Variants in HPSE2 observed in about 807,000 individuals in gnomAD.
HPSE2 encodes heparanase 2 (inactive).
A neutral mutation model predicts 60.5 loss-of-function variants in HPSE2; 38 were observed. The ratio of observed to expected loss-of-function variants is 0.63; its 90% confidence interval spans 0.48 to 0.82. The LOEUF is 0.82. Ranked by LOEUF, HPSE2 falls within the 40% of genes least tolerant of loss-of-function variation. HPSE2 has a pLI of 0.00. For synonymous variants in HPSE2, 295 were observed against 293.2 expected, an observed-to-expected ratio of 1.01 and a Z score of -0.06; for missense variants, 713 against 740.4, an observed-to-expected ratio of 0.96 and a Z score of 0.43.
chr10:98,929,019 T>TAAATA (rs1425343217), intron 3 of HPSE2, among the ~76,000 whole-genome samples: 1 of 141,892 alleles, frequency 7.0e-6, no homozygotes, highest in East Asian at 2.0e-4. Context: ...AATAAATAAA[T>TAAATA]ATTTTTTAGT....
intron 3 of HPSE2, among the ~76,000 whole-genome samples, chr10:98,871,461 T>G (rs1342696134): frequency 6.6e-6 from 1 of 152,082 alleles, no homozygotes; most frequent in Non-Finnish European, 1.5e-5. Flanking sequence ...TAGCTAAAAT[T>G]TCTTGGCTTA....
intron 3 of HPSE2, among the ~76,000 whole-genome samples, chr10:99,080,510 G>T (rs1843098242): frequency 6.6e-6 from 1 of 152,186 alleles, no homozygotes; most frequent in South Asian, 2.1e-4. Context: ...AGGTATGTGA[G>T]AAAATAATAC....
chr10:98,750,090 G>A (rs1949725172), intron 3 of HPSE2, among the ~76,000 whole-genome samples: 1 of 151,902 alleles, frequency 6.6e-6, no homozygotes, highest in South Asian at 2.1e-4. Context: ...TAGCTAGTAT[G>A]CTATTTTAAA....
intron 2 of HPSE2, among the ~76,000 whole-genome samples, chr10:99,181,663 A>G (rs1847783380): frequency 6.6e-6 from 1 of 152,148 alleles, no homozygotes; most frequent in African/African-American, 2.4e-5. Context: ...TCTCACTCAT[A>G]AGTGGGAGTT....
At chr10:99,242,195 T>C in the HPSE2 span, among the ~76,000 whole-genome samples, 3 of 152,220 alleles carry the variant, frequency 2.0e-5, no homozygotes, top group Non-Finnish European at 2.9e-5. Flanking sequence ...TTTCTCCATA[T>C]GGAATGCTGA....
chr10:98,880,613 A>T (rs1474633006), intron 3 of HPSE2, among the ~76,000 whole-genome samples: 1 of 152,018 alleles, frequency 6.6e-6, no homozygotes, highest in Non-Finnish European at 1.5e-5. Context: ...ATGACTCCAT[A>T]TGCCCTGCTT....
chr10:99,166,434 A>C (rs1847084907), intron 2 of HPSE2, among the ~76,000 whole-genome samples: 1 of 152,190 alleles, frequency 6.6e-6, no homozygotes, highest in Admixed American at 6.6e-5. Context: ...GCATTGTATA[A>C]GAGTTCCAGG....
chr10:99,234,417 A>G (rs184773815), intron 1 of HPSE2, among the ~76,000 whole-genome samples: 15 of 152,324 alleles, frequency 9.8e-5, no homozygotes, highest in Admixed American at 3.3e-4. Context: ...AGGACGCACA[A>G]CGGACCTGGC....
At chr10:98,638,484 C>T (rs1946558927) in intron 7 of HPSE2, among the ~76,000 whole-genome samples, 1 of 152,116 alleles carries the variant, frequency 6.6e-6, no homozygotes, top group African/African-American at 2.4e-5. Flanking sequence ...CCTAACTTGG[C>T]CCATCTCTGA....
rs1352246587 is a variant in HPSE2 at position 98,698,130 on chromosome 10, C to G, written c.957-4183G>C. On this transcript the variant is annotated intron_variant, in intron 5 of 11. Transcript: ENST00000370552. ...CCCAGGAATTGAACTCAGCTCTGCACCAAGCAGACCTAATAGACATCTACA... is the reference window on the plus strand; with the variant it reads ...CCCAGGAATTGAACTCAGCTCTGCAGCAAGCAGACCTAATAGACATCTACA... Among the ~76,000 whole-genome samples the G allele has an allele frequency of 5.0e-5, 7 of 138,970 alleles. No homozygotes were observed. The East Asian group carries it at 1.3e-3, about 26-fold the overall frequency. The allele number at this position is 138,970 out of a possible 152,430, so 91.2% of individuals were successfully genotyped here.
At chr10:98,581,346 A>C (rs1944792887) in intron 9 of HPSE2, among the ~76,000 whole-genome samples, 2 of 152,148 alleles carry the variant, frequency 1.3e-5, no homozygotes, top group South Asian at 4.1e-4. Flanking sequence ...GATCAAAACC[A>C]ATTTTTACCT....
intron 5 of HPSE2, among the ~76,000 whole-genome samples, chr10:98,706,777 G>C (rs1393487563): frequency 6.6e-6 from 1 of 152,134 alleles, no homozygotes; most frequent in Non-Finnish European, 1.5e-5. Context: ...TAAGGGAATG[G>C]CAGGAGGTCA....
chr10:99,299,528 T>C, the HPSE2 span, among the ~76,000 whole-genome samples: 3 of 152,178 alleles, frequency 2.0e-5, no homozygotes, highest in Non-Finnish European at 2.9e-5. Flanking sequence ...CATCCACTTG[T>C]TGTACTGTAC....
chr10:98,527,359 T>C (rs1942999688), intron 9 of HPSE2, among the ~76,000 whole-genome samples: 1 of 152,218 alleles, frequency 6.6e-6, no homozygotes, highest in Non-Finnish European at 1.5e-5. Context: ...ATCCGCACAC[T>C]CTGCATGATC....
chr10:98,716,442 A>AAACATAAAT (rs1554974932), intron 5 of HPSE2, among the ~76,000 whole-genome samples: 1 of 148,006 alleles, frequency 6.8e-6, no homozygotes, highest in East Asian at 2.0e-4. Flanking sequence ...ATAATAATAA[A>AAACATAAAT]AAATAAATAA....
intron 2 of HPSE2, among the ~76,000 whole-genome samples, chr10:99,145,530 AT>A (rs1175117202): frequency 1.3e-5 from 2 of 152,038 alleles, no homozygotes; most frequent in African/African-American, 4.8e-5. Flanking sequence ...TTATTTATTA[AT>A]TTTTTACAAA....
intron 4 of HPSE2, among the ~76,000 whole-genome samples, chr10:98,740,719 G>C: frequency 6.6e-6 from 1 of 152,138 alleles, no homozygotes; most frequent in East Asian, 1.9e-4. Context: ...ACATGGTGTA[G>C]GTATATGGAA....
intron 9 of HPSE2, among the ~76,000 whole-genome samples, chr10:98,603,841 C>T (rs1202361695): frequency 2.0e-5 from 3 of 152,096 alleles, no homozygotes; most frequent in Non-Finnish European, 2.9e-5. Context: ...ATACCCAACT[C>T]CAGTCAGCTC....
At chr10:98,955,753 A>G (rs1020963012) in intron 3 of HPSE2, among the ~76,000 whole-genome samples, 2 of 152,248 alleles carry the variant, frequency 1.3e-5, no homozygotes, top group African/African-American at 4.8e-5. Flanking sequence ...TGGTACATAT[A>G]TACCATGGAA....
Sources: gnomAD v4.1 joint callset for allele counts (sites outside exome capture counted in the v4.1 genomes callset) on GRCh38, gnomAD v4.1.1 for gene constraint, MANE v1.5 for transcripts, NCBI Gene and HGNC (gene_info 2026-07-23, HGNC 2026-07-21) for gene names.